PSD3: variants seen among roughly 807,000 people sequenced by gnomAD.
The protein encoded by PSD3 is PH and SEC7 domain-containing protein 3.
In PSD3, 49 loss-of-function variants were observed where a neutral mutation model predicts 105.5. The ratio of observed to expected loss-of-function variants is 0.46; its 90% CI spans 0.37 to 0.59. The LOEUF (loss-of-function observed/expected upper bound fraction) is 0.59. PSD3 is among the 20% of genes least tolerant of loss of function. The probability of loss-of-function intolerance (pLI) is 0.00; values close to 1 mark genes in which losing one functional copy is unlikely to be tolerated. For missense variants in PSD3, 1,561 were observed against 1,263.8 expected, an observed-to-expected ratio of 1.24 and a Z score of -3.57; for synonymous variants, 557 against 457.8, an observed-to-expected ratio of 1.22 and a Z score of -2.77.
At chr8:18,544,784 G>A (rs73666678) in intron 15 of PSD3, among the ~76,000 whole-genome samples, 12,607 of 152,052 alleles carry the variant, frequency 0.083, 616 homozygotes, top group East Asian at 0.17. Flanking sequence ...CCCACACCTC[G>A]CCCCAGGAAG....
At chr8:18,710,441 A>G (rs1054665764) in intron 9 of PSD3, among the ~76,000 whole-genome samples, 3 of 152,226 alleles carry the variant, frequency 2.0e-5, no homozygotes, top group Non-Finnish European at 4.4e-5. Context: ...ATCCAGGAGA[A>G]CTTCCCCAAC....
chr8:18,776,260 C>A (rs34650180), intron 8 of PSD3, among the ~76,000 whole-genome samples: 93,631 of 144,022 alleles, frequency 0.65, 31,036 homozygotes, highest in Non-Finnish European at 0.73. Flanking sequence ...CTCTCTCTCT[C>A]TATATATATA....
At chr8:18,684,250 A>ACCCC (rs1554470535) in intron 9 of PSD3, 3 of 170,414 alleles carry the variant, frequency 1.8e-5, no homozygotes, top group African/African-American at 5.7e-5. Context: ...ACACACACAC[A>ACCCC]CCCCATCATA....
chr8:18,579,201 C>T (rs1295222096), intron 12 of PSD3, among the ~76,000 whole-genome samples: 1 of 151,254 alleles, frequency 6.6e-6, no homozygotes, highest in Non-Finnish European at 1.5e-5. Flanking sequence ...ATGACTTTAT[C>T]CTACTAAGTT....
chr8:18,666,493 G>C (rs1799465065), intron 9 of PSD3, among the ~76,000 whole-genome samples: 1 of 152,160 alleles, frequency 6.6e-6, no homozygotes, highest in Non-Finnish European at 1.5e-5. Flanking sequence ...TTTTCCCCTA[G>C]TTACAACTGT....
intron 9 of PSD3, among the ~76,000 whole-genome samples, chr8:18,702,207 T>C (rs909855230): frequency 2.6e-5 from 4 of 152,218 alleles, no homozygotes; most frequent in Admixed American, 6.5e-5. Flanking sequence ...ATGTTTAAGA[T>C]CATCTTGAAA....
intron 9 of PSD3, among the ~76,000 whole-genome samples, chr8:18,696,709 T>C (rs1801280541): frequency 6.6e-6 from 1 of 152,208 alleles, no homozygotes; most frequent in African/African-American, 2.4e-5. Context: ...ACTCCATTTT[T>C]ACTGCACTAG....
At position 18,936,118 on chromosome 8, in the gene PSD3, T is replaced by C. The variant is rs766431950; in HGVS notation, c.46A>G (p.Asn16Asp). 1.9e-6 allele frequency: 3 copies of C among 1,612,764 alleles called. No individual in the cohort carries two copies. The highest frequency in any genetic ancestry group is 1.7e-5 in the Admixed American group (1 of 60,008). The change falls in exon 2 of 16, where the codon AAT becomes GAT. Residue 16 changes from asparagine to aspartate, a missense_variant. Physicochemically the swap from Asn to Asp is conservative, Grantham distance 23. Transcript: ENST00000327040. Reference sequence around the variant, plus strand: ...ACACTCTGGGAATGTGCAGATGCATTGTTCACCCAAACAAATGTCTCTGCC... The same window carrying C: ...ACACTCTGGGAATGTGCAGATGCATCGTTCACCCAAACAAATGTCTCTGCC... ...AAAETFVWVN[N>D]ASAHSQSVAK...
chr8:18,616,824 C>T (rs1035188366), intron 11 of PSD3, among the ~76,000 whole-genome samples: 34 of 151,544 alleles, frequency 2.2e-4, no homozygotes, highest in Admixed American at 3.3e-4. Flanking sequence ...GGGGTTTCAC[C>T]GTTTTAGCCG....
At chr8:19,076,264 G>T (rs116559912) in intron 1 of PSD3, among the ~76,000 whole-genome samples, 1 of 152,176 alleles carries the variant, frequency 6.6e-6, no homozygotes, top group East Asian at 1.9e-4. Context: ...TTATTTTATA[G>T]GTTGTTTAAA....
chr8:18,630,909 T>C (rs1443926677), intron 11 of PSD3, among the ~76,000 whole-genome samples: 1 of 151,712 alleles, frequency 6.6e-6, no homozygotes. Context: ...TATGGGAGGA[T>C]ATGCATCAGT....
At chr8:18,750,395 T>C (rs984265974) in intron 9 of PSD3, among the ~76,000 whole-genome samples, 4 of 151,892 alleles carry the variant, frequency 2.6e-5, no homozygotes, top group Non-Finnish European at 4.4e-5. Flanking sequence ...GCTCTTAAGG[T>C]AGCGCGTCTG....
intron 4 of PSD3, among the ~76,000 whole-genome samples, chr8:18,834,209 T>A (rs547240802): frequency 1.3e-5 from 2 of 152,328 alleles, no homozygotes; most frequent in East Asian, 3.9e-4. Context: ...AATTTCCTCA[T>A]AAAGAAGGTA....
At chr8:19,012,354 G>C (rs1826989030) in intron 1 of PSD3, among the ~76,000 whole-genome samples, 2 of 152,166 alleles carry the variant, frequency 1.3e-5, no homozygotes, top group African/African-American at 4.8e-5. Flanking sequence ...CTGCTGAAGA[G>C]GAATTTCATG....
At chr8:18,591,816 G>C (rs974951296) in intron 12 of PSD3, among the ~76,000 whole-genome samples, 6 of 152,160 alleles carry the variant, frequency 3.9e-5, no homozygotes, top group African/African-American at 7.2e-5. Context: ...CAGCTGGGTA[G>C]CTTCCTGCTC....
intron 9 of PSD3, among the ~76,000 whole-genome samples, chr8:18,718,475 A>G (rs1327383103): frequency 6.6e-6 from 1 of 152,258 alleles, no homozygotes; most frequent in East Asian, 1.9e-4. Context: ...ATAGACAGAT[A>G]TACAGGACTA....
intron 12 of PSD3, among the ~76,000 whole-genome samples, chr8:18,589,671 G>C (rs891146275): frequency 1.3e-5 from 2 of 152,232 alleles, no homozygotes; most frequent in Non-Finnish European, 2.9e-5. Context: ...GCAGGGTCTG[G>C]AGAAGGGGTG....
chr8:18,692,506 C>T (rs533905797), intron 9 of PSD3, among the ~76,000 whole-genome samples: 6 of 152,004 alleles, frequency 3.9e-5, no homozygotes, highest in Admixed American at 6.5e-5. Flanking sequence ...GGCCCTCTGA[C>T]GGAGGGGTAA....
intron 10 of PSD3, among the ~76,000 whole-genome samples, chr8:18,640,488 G>A (rs1292544931): frequency 6.6e-6 from 1 of 152,116 alleles, no homozygotes; most frequent in Admixed American, 6.5e-5. Context: ...GTGATATTAA[G>A]TTCTCGTGAG....
Sources: allele counts gnomAD v4.1 joint callset (sites outside exome capture counted in the v4.1 genomes callset), GRCh38; gene constraint gnomAD v4.1.1; transcripts MANE v1.5; gene names NCBI Gene and HGNC (gene_info 2026-07-23, HGNC 2026-07-21).